The following RNF38 variants were observed in gnomAD, a reference collection of about 807,000 sequenced individuals.
RNF38 encodes the protein ring finger protein 38, also known as E3 ubiquitin-protein ligase RNF38.
A neutral mutation model predicts 67.2 loss-of-function variants in RNF38; 15 were observed. The observed-to-expected ratio is 0.22, with a 90% CI of 0.15 to 0.34. The LOEUF is 0.34. RNF38 is among the 10% of genes least tolerant of loss of function. RNF38 has a pLI of 1.00. For missense variants in RNF38, 524 were observed against 639.9 expected (o/e 0.82, Z 1.95); for synonymous variants, 220 against 218.8 (o/e 1.01, Z -0.05).
intron 1 of RNF38, among the ~76,000 whole-genome samples, chr9:36,434,295 G>A (rs1301743990): frequency 8.4e-6 from 1 of 119,410 alleles, no homozygotes; most frequent in Non-Finnish European, 1.8e-5. Flanking sequence ...GAGAAGGGGA[G>A]GGGAGAGGAG....
chr9:36,407,279 T>A (rs545608211), intron 2 of RNF38, among the ~76,000 whole-genome samples: 1 of 152,264 alleles, frequency 6.6e-6, no homozygotes, highest in South Asian at 2.1e-4. Context: ...TCCCATATTA[T>A]ATAGCCACTT....
intron 4 of RNF38, among the ~76,000 whole-genome samples, chr9:36,365,662 G>GTT (rs759974775): frequency 0.86 from 88,393 of 103,136 alleles, 39,221 homozygotes; most frequent in Non-Finnish European, 0.91. Context: ...AAGACTGATA[G>GTT]TTTTTTTTTT....
chr9:36,364,786 C>T (rs74711890), intron 4 of RNF38, among the ~76,000 whole-genome samples: 287 of 152,324 alleles, frequency 1.9e-3, no homozygotes, highest in African/African-American at 6.6e-3. Flanking sequence ...GAGTCCCACA[C>T]CCACAGATCC....
At chr9:36,428,453 AC>A (rs1224363420) in intron 1 of RNF38, among the ~76,000 whole-genome samples, 6 of 93,036 alleles carry the variant, frequency 6.4e-5, no homozygotes, top group African/African-American at 2.5e-4. Flanking sequence ...ACTATTGTTT[AC>A]ATATATATAT....
In RNF38 at chr9:36,339,771, A is replaced by C. The variant is rs1237678264; in HGVS notation, c.1529T>G (p.Val510Gly). 1.2e-6 allele frequency: 2 copies of C among 1,613,492 alleles called. No homozygotes were observed. Among genetic ancestry groups the C allele is most frequent in the South Asian group, 1.1e-5 (1 of 90,912 alleles). ...CPICRADASEVHRDSE is the reference protein window; with the variant it reads ...CPICRADASEGHRDSE ...GGTTGGTCATTCTGAATCCCGATGCACTTCTGAAGCATCAGCTCGGCAAAT... is the reference window on the plus strand; with the variant it reads ...GGTTGGTCATTCTGAATCCCGATGCCCTTCTGAAGCATCAGCTCGGCAAAT... The change falls in exon 12 of 12, where the codon GTG becomes GGG. Residue 510 changes from valine (V) to glycine (G), a missense_variant. Around this residue, in one of 2 missense-constraint regions of RNF38, gnomAD observed 63 missense variants for 122.5 expected, o/e 0.51. Transcript: ENST00000259605.
intron 2 of RNF38, among the ~76,000 whole-genome samples, chr9:36,386,117 G>C (rs1317693297): frequency 6.6e-6 from 1 of 152,126 alleles, no homozygotes; most frequent in African/African-American, 2.4e-5. Flanking sequence ...AGATGTGTTT[G>C]GGCCTAACTA....
chr9:36,346,844 A>G (rs1833274777), intron 9 of RNF38, among the ~76,000 whole-genome samples: 1 of 152,078 alleles, frequency 6.6e-6, no homozygotes, highest in South Asian at 2.1e-4. Flanking sequence ...CAGGCCACAC[A>G]TGGTGGCTCA....
At chr9:36,412,317 T>A (rs1838346159) in intron 2 of RNF38, among the ~76,000 whole-genome samples, 1 of 152,250 alleles carries the variant, frequency 6.6e-6, no homozygotes, top group Non-Finnish European at 1.5e-5. Context: ...GTTCTTTCCA[T>A]GACCCTGATT....
chr9:36,401,002 G>A (rs1049704628), upstream of RNF38: 5 of 983,724 alleles, frequency 5.1e-6, no homozygotes, highest in East Asian at 1.2e-4. Flanking sequence ...TGCGCGCGCA[G>A]GCGACTCCCC....
chr9:36,365,759 G>A (rs1212037426), intron 4 of RNF38, among the ~76,000 whole-genome samples: 1 of 130,884 alleles, frequency 7.6e-6, no homozygotes, highest in Non-Finnish European at 1.5e-5. Context: ...TCCGCCTCCC[G>A]GGTTCAAGCA....
chr9:36,374,254 A>G (rs1835612988), intron 3 of RNF38, among the ~76,000 whole-genome samples: 1 of 152,264 alleles, frequency 6.6e-6, no homozygotes, highest in Admixed American at 6.5e-5. Flanking sequence ...GCTGGAACAC[A>G]GAATGCTGGT....
intron 1 of RNF38, 70 bp from the exon 2 acceptor site, chr9:36,390,686 G>A (rs1837013514): frequency 1.4e-6 from 2 of 1,435,674 alleles, no homozygotes; most frequent in Non-Finnish European, 1.9e-6. Flanking sequence ...CGCCTATGAA[G>A]GATAGTCTGG....
intron 7 of RNF38, 96 bp from the exon 8 acceptor site, chr9:36,352,944 A>C (rs2133501061): frequency 3.2e-6 from 3 of 946,018 alleles, no homozygotes; most frequent in Non-Finnish European, 4.9e-6. Context: ...TAAACAGTAA[A>C]GTTCTTTATT....
At chr9:36,344,808 G>A (rs1198785302) in intron 10 of RNF38, 24 bp downstream of exon 10, 2 of 1,604,956 alleles carry the variant, frequency 1.2e-6, no homozygotes, top group Non-Finnish European at 1.7e-6. Flanking sequence ...AAATTTAGCA[G>A]TGATGTCAGA....
At chr9:36,448,577 A>C (rs1839361009) in intron 1 of RNF38, among the ~76,000 whole-genome samples, 1 of 152,210 alleles carries the variant, frequency 6.6e-6, no homozygotes, top group Non-Finnish European at 1.5e-5. Context: ...TCCGCAACTC[A>C]GTATTTACAC....
chr9:36,360,367 T>A (rs971433199), intron 4 of RNF38, among the ~76,000 whole-genome samples: 10 of 152,298 alleles, frequency 6.6e-5, no homozygotes, highest in African/African-American at 2.4e-4. Context: ...CTGGTATTTT[T>A]AAAAAACTTA....
At chr9:36,402,273 C>G (rs1227450396), upstream of RNF38, among the ~76,000 whole-genome samples, 1 of 152,166 alleles carries the variant, frequency 6.6e-6, no homozygotes, top group East Asian at 1.9e-4. Flanking sequence ...TTATGTAACC[C>G]AGTTAACCAG....
In RNF38 at chr9:36,449,409, T is replaced by C. The variant is rs113002675; in HGVS notation, n.242-24726A>G. 6.3e-3 allele frequency among the ~76,000 whole-genome samples: 958 copies of C among 151,980 alleles called. 13 individuals are homozygous for C. The highest frequency in any genetic ancestry group is 0.022 in the African/African-American group (915 of 41,486). ...TTGTGCCAGTGCACTCCAGCCTGGG[T>C]GACAGAGTGAGACCCTATCTCTCTC... is the stretch of plus-strand genomic sequence containing the variant. On this transcript the variant is annotated intron_variant and non_coding_transcript_variant, in intron 1 of 3. Transcript: ENST00000488058.
chr9:36,344,578 C>T (rs1265829925), intron 10 of RNF38, among the ~76,000 whole-genome samples: 2 of 152,216 alleles, frequency 1.3e-5, no homozygotes, highest in African/African-American at 2.4e-5. Flanking sequence ...CCACCCAACA[C>T]AGCAGCTATT....
Sources: allele counts gnomAD v4.1 joint callset (sites outside exome capture counted in the v4.1 genomes callset), GRCh38; gene constraint gnomAD v4.1.1; regional missense constraint gnomAD v4.1.1; transcripts MANE v1.5; gene names NCBI Gene and HGNC (gene_info 2026-07-23, HGNC 2026-07-21).